The following PRTN3 variants were observed in gnomAD, a reference collection of about 807,000 sequenced individuals.
PRTN3 encodes proteinase 3.
In PRTN3, 22 loss-of-function variants were observed where a neutral mutation model predicts 20.7. The ratio of observed to expected loss-of-function variants is 1.06; its 90% confidence interval spans 0.76 to 1.52. The LOEUF is 1.52. Ranked by LOEUF, PRTN3 falls within the 40% of genes most tolerant of loss-of-function variation. PRTN3 has a pLI of 0.00. For synonymous variants in PRTN3, 173 were observed against 152.9 expected (o/e 1.13, Z -0.97); for missense variants, 378 against 359.6 (o/e 1.05, Z -0.41).
intron 1 of PRTN3, among the ~76,000 whole-genome samples, chr19:842,911 CA>C (rs2035464029): frequency 6.7e-6 from 1 of 149,452 alleles, no homozygotes; most frequent in South Asian, 2.1e-4. Flanking sequence ...TCTTTAAAAA[CA>C]TTTTTTTAAA....
chr19:844,222 G>GCCTCTCCCCCGGCCGCT (rs2035485112), intron 3 of PRTN3, among the ~76,000 whole-genome samples, 188 bp downstream of exon 3: 4 of 115,884 alleles, frequency 3.5e-5, no homozygotes, highest in Admixed American at 1.7e-4. Flanking sequence ...CCTCCTCCCC[G>GCCTCTCCCCCGGCCGCT]CCTCTCCCCC....
chr19:846,036 G>T, intron 3 of PRTN3, 111 bp from the exon 4 acceptor site: 1 of 683,920 alleles, frequency 1.5e-6, no homozygotes, highest in Non-Finnish European at 2.3e-6. Flanking sequence ...GGAGGGAGCG[G>T]CATCCGCGGC....
At chr19:843,417 C>T in intron 1 of PRTN3, 44 bp from the exon 2 acceptor site, 2 of 1,501,694 alleles carry the variant, frequency 1.3e-6, no homozygotes, top group Non-Finnish European at 1.8e-6. Context: ...CCCCCTTTCC[C>T]TGCAGCCTGG....
At chr19:841,658 C>T (rs1435012514) in intron 1 of PRTN3, among the ~76,000 whole-genome samples, 1 of 151,602 alleles carries the variant, frequency 6.6e-6, no homozygotes, top group African/African-American at 2.4e-5. Flanking sequence ...GTTAGTGATG[C>T]TGGAATCAGG....
At chr19:845,170 A>G (rs1453098427) in intron 3 of PRTN3, among the ~76,000 whole-genome samples, 1 of 151,250 alleles carries the variant, frequency 6.6e-6, no homozygotes, top group Admixed American at 6.6e-5. Flanking sequence ...CTGGTCTCGA[A>G]CTCCTGACCT....
At chr19:841,554 G>C (rs1158235658) in intron 1 of PRTN3, among the ~76,000 whole-genome samples, 1 of 50,732 alleles carries the variant, frequency 2.0e-5, no homozygotes, top group Non-Finnish European at 4.0e-5. Flanking sequence ...GTGAATGAAT[G>C]AGTGAATGAG....
intron 1 of PRTN3, chr19:843,249 T>C: frequency 1.7e-6 from 1 of 571,614 alleles, no homozygotes; most frequent in Non-Finnish European, 3.1e-6. Context: ...TTCCTGACTC[T>C]CAGGACTGAA....
At chr19:844,743 G>C (rs932810798) in intron 3 of PRTN3, among the ~76,000 whole-genome samples, 1 of 151,150 alleles carries the variant, frequency 6.6e-6, no homozygotes, top group African/African-American at 2.4e-5. Flanking sequence ...GAGGATTTTT[G>C]TCTGTGTTGT....
Position 843,932 on chromosome 19 carries a change from C to G in PRTN3, c.267C>G (p.Asn89Lys), listed in dbSNP as rs772386832. The G allele has an allele frequency of 6.3e-7, 1 of 1,598,870 alleles. No homozygotes were observed. Among genetic ancestry groups the G allele is most frequent in the Non-Finnish European group, 8.5e-7 (1 of 1,173,780 alleles). ...TGAACGTGGTGCTCGGAGCCCACAA[C>G]GTGCGGACGCAGGAGCCCACCCAGC... ...RLVNVVLGAHNVRTQEPTQQH... is the reference protein window; with the variant it reads ...RLVNVVLGAHKVRTQEPTQQH... Residue 89 changes from asparagine to lysine, a missense_variant, in exon 3 of 5, where the codon AAC becomes AAG. Coordinates refer to ENST00000234347, the MANE Select transcript of PRTN3 (RefSeq NM_002777.4).
intron 3 of PRTN3, 22 bp from the exon 4 acceptor site, chr19:846,125 C>T (rs571715737): frequency 2.9e-5 from 40 of 1,400,276 alleles, no homozygotes; most frequent in Middle Eastern, 3.7e-4. Context: ...AGCGTCTCAC[C>T]GCCGCCTGCC....
chr19:846,828 C>T (rs1371075789), intron 4 of PRTN3, among the ~76,000 whole-genome samples: 8 of 152,090 alleles, frequency 5.3e-5, no homozygotes, highest in African/African-American at 1.4e-4. Flanking sequence ...CTGCAACCTC[C>T]ACCTCCCAGG....
chr19:847,972 C>G lies in PRTN3; in HGVS notation c.*3C>G. On this transcript the variant is annotated 3_prime_UTR_variant, in exon 5 of 5. Coordinates refer to ENST00000234347, the MANE Select transcript of PRTN3 (RefSeq NM_002777.4). Reference sequence around the variant, plus strand: ...TGGAGGCCAAGGGCCGCCCCTGAACCGCCCCTCCCACAGCGCTGGCCGGGA... The same window carrying G: ...TGGAGGCCAAGGGCCGCCCCTGAACGGCCCCTCCCACAGCGCTGGCCGGGA... 6.3e-7 allele frequency: 1 copy of G among 1,596,670 alleles called. No individual in the cohort carries two copies. Among genetic ancestry groups the G allele is most frequent in the Non-Finnish European group, 8.5e-7 (1 of 1,172,426 alleles).
intron 4 of PRTN3, 45 bp downstream of exon 4, chr19:846,422 G>A (rs2035518028): frequency 6.6e-7 from 1 of 1,521,908 alleles, no homozygotes; most frequent in Non-Finnish European, 8.9e-7. Flanking sequence ...TGCCATGAGG[G>A]GAGGAGGGCG....
At chr19:845,167 C>G (rs376237177) in intron 3 of PRTN3, among the ~76,000 whole-genome samples, 13 of 151,914 alleles carry the variant, frequency 8.6e-5, no homozygotes, top group African/African-American at 3.1e-4. Flanking sequence ...AGGCTGGTCT[C>G]GAACTCCTGA....
intron 1 of PRTN3, among the ~76,000 whole-genome samples, chr19:842,318 A>ATTTT (rs112350346): frequency 1.6e-5 from 2 of 121,442 alleles, no homozygotes; most frequent in African/African-American, 6.2e-5. Context: ...TTGTTGGCTG[A>ATTTT]TTTTTTTTTT....
intron 4 of PRTN3, 104 bp downstream of exon 4, chr19:846,481 C>T: frequency 8.5e-7 from 1 of 1,170,002 alleles, no homozygotes. Flanking sequence ...TCATGCTGTG[C>T]CTCAGTCTCC....
intron 2 of PRTN3, 114 bp downstream of exon 2, chr19:843,740 C>A: frequency 6.9e-7 from 1 of 1,455,030 alleles, no homozygotes; most frequent in South Asian, 1.4e-5. Flanking sequence ...TCTGCAGACC[C>A]CAGGCCCCGC....
intron 1 of PRTN3, among the ~76,000 whole-genome samples, chr19:841,504 A>C (rs1486138150): frequency 6.7e-6 from 1 of 148,310 alleles, no homozygotes; most frequent in Non-Finnish European, 1.5e-5. Flanking sequence ...GAATGAGTGA[A>C]TGAGTGAACG....
At chr19:847,321 C>T (rs1314872977) in intron 4 of PRTN3, among the ~76,000 whole-genome samples, 1 of 151,810 alleles carries the variant, frequency 6.6e-6, no homozygotes, top group African/African-American at 2.4e-5. Flanking sequence ...GAAAGACAGC[C>T]AGCTACTCGG....
Sources: allele counts gnomAD v4.1 joint callset (sites outside exome capture counted in the v4.1 genomes callset), GRCh38; gene constraint gnomAD v4.1.1; transcripts MANE v1.5; gene names NCBI Gene and HGNC (gene_info 2026-07-23, HGNC 2026-07-21).